The following P2RX4 variants were observed in gnomAD, a reference collection of about 807,000 sequenced individuals.
P2RX4 encodes the protein P2X purinoceptor 4.
A neutral mutation model predicts 48.0 loss-of-function variants in P2RX4; 37 were observed. That is an observed-to-expected ratio of 0.77 (90% CI 0.59 to 1.01). P2RX4 has a LOEUF of 1.01. Among genes scored for constraint, P2RX4 ranks in the 50% least tolerant of loss-of-function variants. The pLI is 0.00. For synonymous variants in P2RX4, 200 were observed against 199.7 expected, an observed-to-expected ratio of 1.00 and a Z score of -0.01; for missense variants, 501 against 521.4, an observed-to-expected ratio of 0.96 and a Z score of 0.38.
chr12:121,226,973 G>C (rs1887017229), intron 5 of P2RX4, among the ~76,000 whole-genome samples: 1 of 152,070 alleles, frequency 6.6e-6, no homozygotes, highest in Admixed American at 6.5e-5. Context: ...AAATTAGCCA[G>C]GCGTGGTGGT....
chr12:121,221,075 AT>A (rs1237180097), intron 2 of P2RX4, among the ~76,000 whole-genome samples: 1 of 151,468 alleles, frequency 6.6e-6, no homozygotes, highest in Admixed American at 6.6e-5. Flanking sequence ...GGTTCCAGTG[AT>A]TCTCCTGGCT....
At chr12:121,227,630 G>T (rs992383047) in intron 5 of P2RX4, among the ~76,000 whole-genome samples, 1 of 152,204 alleles carries the variant, frequency 6.6e-6, no homozygotes, top group Non-Finnish European at 1.5e-5. Context: ...CACCGCCTTG[G>T]GGGAGAGGGC....
intron 5 of P2RX4, among the ~76,000 whole-genome samples, chr12:121,225,889 T>C (rs1278198515): frequency 6.6e-6 from 1 of 152,084 alleles, no homozygotes; most frequent in Admixed American, 6.6e-5. Flanking sequence ...TCTCATAAGA[T>C]ACTTTTTTTT....
intron 2 of P2RX4, among the ~76,000 whole-genome samples, chr12:121,219,615 GGATA>G (rs60447163): frequency 0.026 from 3,582 of 140,302 alleles, 73 homozygotes; most frequent in East Asian, 0.069. Context: ...ATGGATGGAT[GGATA>G]GATAGATAGA....
chr12:121,212,789 C>CAA (rs1312196850), intron 1 of P2RX4: 5 of 79,000 alleles, frequency 6.3e-5, no homozygotes, highest in African/African-American at 2.5e-4. Context: ...AACTCCATCT[C>CAA]AAATATATAT....
chr12:121,224,310 A>T (rs536873171), intron 5 of P2RX4, among the ~76,000 whole-genome samples: 2 of 152,208 alleles, frequency 1.3e-5, no homozygotes, highest in South Asian at 4.2e-4. Context: ...TTTAAACTAA[A>T]CTAGACAGGT....
In P2RX4 at chr12:121,229,389, C is replaced by A. The variant is rs1302505949; in HGVS notation, c.884+290C>A. On this transcript the variant is annotated intron_variant, in intron 8 of 11. Coordinates refer to ENST00000337233, the MANE Select transcript of P2RX4 (RefSeq NM_002560.3). This position sits in a 1 kb window ranked among gnomAD's most constrained non-coding sequence, Gnocchi z 4.6. ...GAAGCTGGGGGCTTAAGCTTTCCAG[C>A]ACCTGCCTCAGCCATGACCTCCATT... is the stretch of plus-strand genomic sequence containing the variant. Among the ~76,000 whole-genome samples, 1 of 152,228 alleles carries A rather than the reference C, an allele frequency of 6.6e-6. No homozygotes were observed. Among genetic ancestry groups the A allele is most frequent in the Non-Finnish European group, 1.5e-5 (1 of 68,034 alleles).
rs771011084 is a variant in P2RX4 at position 121,229,021 on chromosome 12, T to C, written c.806T>C (p.Leu269Pro). Residue 269 changes from leucine (L) to proline (P), a missense_variant, in exon 8 of 12, where the codon CTC becomes CCC. Coordinates refer to ENST00000337233, the MANE Select transcript of P2RX4 (RefSeq NM_002560.3). This position sits in a 1 kb window ranked among gnomAD's most constrained non-coding sequence, Gnocchi z 4.6. ...WDCNLDRAAS[L>P]CLPRYSFRRL... ...TGCAACCTGGACAGAGCCGCCTCCCTCTGCTTGCCCAGGTACTCCTTCCGC... is the reference window on the plus strand; with the variant it reads ...TGCAACCTGGACAGAGCCGCCTCCCCCTGCTTGCCCAGGTACTCCTTCCGC... 5 of 1,613,938 alleles carry C rather than the reference T, an allele frequency of 3.1e-6. No individual in the cohort carries two copies. The highest frequency in any genetic ancestry group is 4.2e-6 in the Non-Finnish European group (5 of 1,180,014).
chr12:121,222,813 T>C, intron 4 of P2RX4, 134 bp from the exon 5 acceptor site: 1 of 1,501,574 alleles, frequency 6.7e-7, no homozygotes, highest in Non-Finnish European at 9.1e-7. Context: ...TGACACTGTC[T>C]AAATCCCAGA....
intron 5 of P2RX4, among the ~76,000 whole-genome samples, chr12:121,227,778 T>C (rs371401158): frequency 7.2e-5 from 11 of 152,258 alleles, no homozygotes; most frequent in East Asian, 5.8e-4. Flanking sequence ...GTAAGATGTG[T>C]GTATATGTTT....
At chr12:121,228,890 T>C in intron 7 of P2RX4, 24 bp downstream of exon 7, 1 of 1,614,136 alleles carries the variant, frequency 6.2e-7, no homozygotes, top group Non-Finnish European at 8.5e-7. Flanking sequence ...CTGGCTCTCC[T>C]GACCCAGCCC....
intron 8 of P2RX4, among the ~76,000 whole-genome samples, chr12:121,231,257 G>A (rs768128931): frequency 1.3e-5 from 2 of 152,024 alleles, no homozygotes; most frequent in South Asian, 4.1e-4. Context: ...CCAAAGTGCC[G>A]GAATTACAGG....
rs562807201 is a variant in P2RX4 at position 121,226,879 on chromosome 12, G to A, written c.525-1654G>A. Among the ~76,000 whole-genome samples, 69 of 152,190 alleles carry A rather than the reference G, an allele frequency of 4.5e-4. No homozygotes were observed. In the Middle Eastern group the frequency reaches 0.01, roughly 23 times the overall value. ...TGTAATCCCAGCACTTTGGGAGACC[G>A]AGGTGGGTGGATCATCTGAGGTCAG... On this transcript the variant is annotated intron_variant, in intron 5 of 11. Coordinates refer to ENST00000337233, the MANE Select transcript of P2RX4 (RefSeq NM_002560.3).
At chr12:121,217,993 C>A (rs1886344288) in intron 2 of P2RX4, among the ~76,000 whole-genome samples, 1 of 152,158 alleles carries the variant, frequency 6.6e-6, no homozygotes, top group Admixed American at 6.6e-5. Flanking sequence ...TCAAACCCGA[C>A]ATAGCCCTCC....
chr12:121,213,588 A>C (rs1886033421), intron 1 of P2RX4: 1 of 151,992 alleles, frequency 6.6e-6, no homozygotes, highest in South Asian at 2.1e-4. Context: ...TGTCACCCAG[A>C]CTGGAGTGCA....
chr12:121,222,920 A>AC (rs776861911), intron 4 of P2RX4, 27 bp from the exon 5 acceptor site: 29 of 1,550,924 alleles, frequency 1.9e-5, no homozygotes, highest in East Asian at 4.5e-5. Flanking sequence ...TGGACATGGG[A>AC]CCCCCCTGCC....
chr12:121,222,215 C>G (rs1347870636), intron 4 of P2RX4, 49 bp downstream of exon 4: 1 of 1,261,180 alleles, frequency 7.9e-7, no homozygotes, highest in Non-Finnish European at 1.2e-6. Context: ...GCAGATCGCC[C>G]CCACTGTGGA....
At chr12:121,218,708 T>TTCCTTGGTGGAAAGGAGCACCACGGAAG (rs1886381674) in intron 2 of P2RX4, among the ~76,000 whole-genome samples, 1 of 152,096 alleles carries the variant, frequency 6.6e-6, no homozygotes, top group South Asian at 2.1e-4. Flanking sequence ...AACTCAGCCT[T>TTCCTTGGTGGAAAGGAGCACCACGGAAG]CCGTGGTGGA....
intron 1 of P2RX4, chr12:121,215,660 A>C (rs1167524396): frequency 1.3e-5 from 2 of 152,058 alleles, no homozygotes; most frequent in Non-Finnish European, 2.9e-5. Context: ...TAAAGCAGTA[A>C]ATGCTTTGCT....
Sources: allele counts gnomAD v4.1 joint callset (sites outside exome capture counted in the v4.1 genomes callset), GRCh38; gene constraint gnomAD v4.1.1; non-coding constraint Gnocchi (gnomAD v3.1); transcripts MANE v1.5; gene names NCBI Gene and HGNC (gene_info 2026-07-23, HGNC 2026-07-21).